RBFOX1: variants seen among roughly 807,000 people sequenced by gnomAD.
RBFOX1 encodes RNA binding fox-1 homolog 1, also known as RNA binding protein fox-1 homolog 1.
RBFOX1 carries 8 observed loss-of-function variants against 57.7 expected under a neutral mutation model. The observed-to-expected ratio is 0.14, with a 90% CI of 0.08 to 0.25. The LOEUF (loss-of-function observed/expected upper bound fraction) is 0.25. Among genes scored for constraint, RBFOX1 ranks in the 10% least tolerant of loss-of-function variants. RBFOX1 has a pLI of 1.00. For synonymous variants in RBFOX1, 326 were observed against 222.4 expected (o/e 1.47, Z -4.15); for missense variants, 611 against 548.5 (o/e 1.11, Z -1.14).
chr16:6,202,262 A>G (rs1598329854), intron 1 of RBFOX1, among the ~76,000 whole-genome samples: 2 of 152,228 alleles, frequency 1.3e-5, no homozygotes, highest in Admixed American at 6.5e-5. Flanking sequence ...TATCTCAGGT[A>G]TCGATGCCCT....
At chr16:5,862,406 C>T (rs950770441) in intron 3 of RBFOX1, among the ~76,000 whole-genome samples, 1 of 152,160 alleles carries the variant, frequency 6.6e-6, no homozygotes, top group Non-Finnish European at 1.5e-5. Flanking sequence ...TTCAGTCTTG[C>T]TGCCTGGCGG....
rs183861979 is a variant in RBFOX1 at position 6,722,113 on chromosome 16, T to C, written c.-16+67463T>C. The stretch of plus-strand genomic sequence containing the variant: ...ATGAATAATACTGGTATAAGCGCGG[T>C]TGCACAGATATCTCTCTGGGACCCT... On this transcript the variant is annotated intron_variant, in intron 3 of 15. Coordinates refer to ENST00000550418, the MANE Select transcript of RBFOX1 (RefSeq NM_018723.4). 1.1e-4 allele frequency among the ~76,000 whole-genome samples: 16 copies of C among 152,334 alleles called. No individual in the cohort carries two copies. The East Asian group carries it at 1.7e-3, about 17-fold the overall frequency.
intron 1 of RBFOX1, among the ~76,000 whole-genome samples, chr16:6,099,638 G>C (rs1372245461): frequency 6.6e-6 from 1 of 152,142 alleles, no homozygotes; most frequent in Non-Finnish European, 1.5e-5. Flanking sequence ...TGTCACTGAA[G>C]TATTCACTTT....
chr16:7,200,410 A>G (rs551904114), intron 4 of RBFOX1, among the ~76,000 whole-genome samples: 6 of 152,228 alleles, frequency 3.9e-5, no homozygotes, highest in African/African-American at 1.2e-4. Flanking sequence ...ATAACCCACA[A>G]CTGTGCTCTC....
intron 2 of RBFOX1, among the ~76,000 whole-genome samples, chr16:6,493,810 A>T (rs1013131546): frequency 6.6e-6 from 1 of 152,226 alleles, no homozygotes; most frequent in Non-Finnish European, 1.5e-5. Flanking sequence ...GGCAGATTTC[A>T]CTTCCTTTAA....
intron 4 of RBFOX1, among the ~76,000 whole-genome samples, chr16:7,134,708 C>G (rs1490116396): frequency 6.6e-6 from 1 of 152,178 alleles, no homozygotes; most frequent in Non-Finnish European, 1.5e-5. Context: ...ACTGTGAAAA[C>G]TACTTTTGTT....
At chr16:6,507,157 A>C (rs1303684175) in intron 2 of RBFOX1, among the ~76,000 whole-genome samples, 2 of 151,990 alleles carry the variant, frequency 1.3e-5, no homozygotes, top group Non-Finnish European at 2.9e-5. Context: ...CCTCACCTCC[A>C]CTGCAGAGAT....
In RBFOX1 at chr16:6,961,479, G is replaced by C. The variant is rs542287544; in HGVS notation, c.-15-90578G>C. Among the ~76,000 whole-genome samples, 12 of 152,316 alleles carry C rather than the reference G, an allele frequency of 7.9e-5. 1 individual carries two copies. In the East Asian group the frequency reaches 1.7e-3, roughly 22 times the overall value. ...GGGTCCCGATCAAGATCCCAAAGGA[G>C]GGTTCTTGGAAATTGCAGAAGAAAG... On this transcript the variant is annotated intron_variant, in intron 3 of 15. Coordinates refer to ENST00000550418, the MANE Select transcript of RBFOX1 (RefSeq NM_018723.4).
chr16:6,203,552 T>C (rs1296536997), intron 1 of RBFOX1, among the ~76,000 whole-genome samples: 3 of 152,208 alleles, frequency 2.0e-5, no homozygotes, highest in African/African-American at 7.2e-5. Flanking sequence ...AACATGGAAA[T>C]GCATATATCT....
intron 3 of RBFOX1, among the ~76,000 whole-genome samples, chr16:7,029,520 G>C (rs1290407127): frequency 1.3e-5 from 2 of 151,884 alleles, no homozygotes; most frequent in African/African-American, 2.4e-5. Context: ...TGAAGAGAGT[G>C]CTAGCTCTTA....
chr16:5,475,148 G>A (rs1483012573), intron 2 of RBFOX1, among the ~76,000 whole-genome samples: 2 of 152,076 alleles, frequency 1.3e-5, no homozygotes, highest in African/African-American at 2.4e-5. Flanking sequence ...GGAATTTAGT[G>A]CAAATATATT....
intron 4 of RBFOX1, among the ~76,000 whole-genome samples, chr16:7,172,675 G>C (rs923718610): frequency 6.6e-6 from 1 of 152,188 alleles, no homozygotes; most frequent in Non-Finnish European, 1.5e-5. Context: ...GGCAGCACAA[G>C]GCTGAAAGCA....
chr16:5,832,046 G>C (rs117551849), intron 3 of RBFOX1, among the ~76,000 whole-genome samples: 1 of 152,190 alleles, frequency 6.6e-6, no homozygotes, highest in Non-Finnish European at 1.5e-5. Context: ...ACCCCAGTCA[G>C]CATCAGACCA....
At chr16:5,975,580 A>C (rs1021252859) in intron 4 of RBFOX1, among the ~76,000 whole-genome samples, 3 of 152,184 alleles carry the variant, frequency 2.0e-5, no homozygotes, top group Non-Finnish European at 4.4e-5. Context: ...GTTTTTCCTG[A>C]ACCAGTGTAT....
At chr16:7,066,683 T>G (rs1185071108) in intron 4 of RBFOX1, among the ~76,000 whole-genome samples, 1 of 152,172 alleles carries the variant, frequency 6.6e-6, no homozygotes, top group African/African-American at 2.4e-5. Context: ...GTGTTCTAAT[T>G]TAAGGTCCTT....
intron 3 of RBFOX1, among the ~76,000 whole-genome samples, chr16:5,636,166 G>T (rs1264976896): frequency 6.6e-6 from 1 of 152,274 alleles, no homozygotes; most frequent in African/African-American, 2.4e-5. Flanking sequence ...TGACCAACAT[G>T]GTGAAACCCC....
intron 2 of RBFOX1, among the ~76,000 whole-genome samples, chr16:5,566,648 A>G (rs909288574): frequency 3.7e-5 from 5 of 135,604 alleles, no homozygotes; most frequent in Non-Finnish European, 7.6e-5. Flanking sequence ...ATGTGTGTAT[A>G]TATGTGTATA....
intron 3 of RBFOX1, among the ~76,000 whole-genome samples, chr16:6,767,776 T>G (rs1255666461): frequency 6.6e-6 from 1 of 151,676 alleles, no homozygotes; most frequent in African/African-American, 2.4e-5. Flanking sequence ...TAGCCAGGCA[T>G]GGTGACGGGT....
At chr16:6,630,399 A>G (rs967816599) in intron 2 of RBFOX1, among the ~76,000 whole-genome samples, 1 of 152,180 alleles carries the variant, frequency 6.6e-6, no homozygotes, top group Admixed American at 6.5e-5. Context: ...GATACTCAAA[A>G]GAAAGTGAAG....
Sources: allele counts gnomAD v4.1 joint callset (sites outside exome capture counted in the v4.1 genomes callset), GRCh38; gene constraint gnomAD v4.1.1; transcripts MANE v1.5; gene names NCBI Gene and HGNC (gene_info 2026-07-23, HGNC 2026-07-21).